Variants in PLEKHG1 observed in about 807,000 individuals in gnomAD.
PLEKHG1 encodes the protein pleckstrin homology domain-containing family G member 1.
Under a neutral mutation model 100.8 loss-of-function variants are expected in PLEKHG1, and 44 were observed. The observed-to-expected ratio is 0.44, with a 90% CI of 0.34 to 0.56. The LOEUF is 0.56. Ranked by LOEUF, PLEKHG1 falls within the 20% of genes least tolerant of loss-of-function variation. PLEKHG1 has a pLI of 0.01. For synonymous variants in PLEKHG1, 640 were observed against 662.5 expected, an observed-to-expected ratio of 0.97 and a Z score of 0.52; for missense variants, 1,545 against 1,720.9, an observed-to-expected ratio of 0.90 and a Z score of 1.81.
chr6:150,808,963 T>C (rs1181416809), intron 7 of PLEKHG1, 142 bp from the exon 9 acceptor site: 4 of 636,864 alleles, frequency 6.3e-6, no homozygotes, highest in African/African-American at 5.5e-5. Flanking sequence ...ATTTATGTCA[T>C]AGACCATCAG....
intron 2 of PLEKHG1, among the ~76,000 whole-genome samples, chr6:150,739,275 T>C (rs1782724197): frequency 6.6e-6 from 1 of 152,178 alleles, no homozygotes; most frequent in Non-Finnish European, 1.5e-5. Flanking sequence ...AGGGGCTGAA[T>C]TGTTAATTAC....
chr6:150,645,439 G>A (rs1293971551), intron 2 of PLEKHG1, among the ~76,000 whole-genome samples: 1 of 152,178 alleles, frequency 6.6e-6, no homozygotes, highest in Admixed American at 6.5e-5. Flanking sequence ...TTAAACCATA[G>A]ACATATGTAA....
rs959860496 is a variant in PLEKHG1, at chr6:150,831,560, A to G, written c.2449A>G (p.Ser817Gly). 2 of 1,614,210 alleles carry G rather than the reference A, an allele frequency of 1.2e-6. No homozygotes were observed. The highest frequency in any genetic ancestry group is 1.7e-6 in the Non-Finnish European group (2 of 1,180,030). ...TCTGAGTTTGCTGTATGACTCTCCC[A>G]GTGGTAACTTGTCTATGCCTCATAA... Residue 817 changes from serine to glycine, a missense_variant, in exon 15 of 16, where the codon AGT (serine) becomes GGT (glycine). Transcript: ENST00000358517. This position sits in a 1 kb window ranked among gnomAD's most constrained non-coding sequence, Gnocchi z 4.1.
chr6:150,626,229 GA>G (rs1224240030), intron 1 of PLEKHG1: 3 of 152,176 alleles, frequency 2.0e-5, no homozygotes, highest in African/African-American at 7.2e-5. Flanking sequence ...GGGTCTGTAA[GA>G]AGGCTCATAT....
intron 2 of PLEKHG1, among the ~76,000 whole-genome samples, chr6:150,745,032 T>A (rs918635381): frequency 6.6e-6 from 1 of 152,124 alleles, no homozygotes; most frequent in Non-Finnish European, 1.5e-5. Context: ...CCTGCAGTAA[T>A]GCAGCCATGT....
intron 14 of PLEKHG1, chr6:150,827,733 A>G: frequency 1.5e-6 from 2 of 1,353,332 alleles, no homozygotes; most frequent in Non-Finnish European, 2.1e-6. Flanking sequence ...CCCGCCAAGG[A>G]AAGAATTGGA....
At chr6:150,643,215 G>T (rs959490938) in intron 2 of PLEKHG1, among the ~76,000 whole-genome samples, 1 of 152,124 alleles carries the variant, frequency 6.6e-6, no homozygotes, top group Non-Finnish European at 1.5e-5. Context: ...AAAATAAACA[G>T]GAAATGGTAA....
chr6:150,762,498 C>T (rs1268788510), intron 2 of PLEKHG1, among the ~76,000 whole-genome samples: 1 of 152,096 alleles, frequency 6.6e-6, no homozygotes, highest in African/African-American at 2.4e-5. Flanking sequence ...TGTGCCCGGC[C>T]CAACCCTCTC....
exon 15 of PLEKHG1, chr6:150,832,193 G>A (rs1285572363): frequency 6.3e-7 from 1 of 1,594,428 alleles, no homozygotes; most frequent in Admixed American, 1.7e-5. Flanking sequence ...GAAGCAAGGA[G>A]GGCCCGCCAT....
At chr6:150,670,329 T>G (rs1445640205) in intron 3 of PLEKHG1, among the ~76,000 whole-genome samples, 1 of 152,242 alleles carries the variant, frequency 6.6e-6, no homozygotes, top group Admixed American at 6.5e-5. Context: ...TGTTCTATTT[T>G]GTTCATATTT....
intron 3 of PLEKHG1, among the ~76,000 whole-genome samples, chr6:150,652,556 A>G (rs1426234826): frequency 6.6e-6 from 1 of 152,008 alleles, no homozygotes; most frequent in Non-Finnish European, 1.5e-5. Flanking sequence ...CCCCGTCGCT[A>G]TTAAAAATAC....
intron 1 of PLEKHG1, among the ~76,000 whole-genome samples, chr6:150,602,402 C>T (rs1327391515): frequency 2.0e-5 from 3 of 152,206 alleles, no homozygotes; most frequent in African/African-American, 7.2e-5. Flanking sequence ...GGTTAAGATC[C>T]AGTGATCTAG....
At chr6:150,679,053 A>C (rs1779850813) in intron 3 of PLEKHG1, among the ~76,000 whole-genome samples, 1 of 152,238 alleles carries the variant, frequency 6.6e-6, no homozygotes, top group Non-Finnish European at 1.5e-5. Flanking sequence ...CTACAAAATC[A>C]AAATTTTAAA....
chr6:150,749,126 C>G (rs374414124), intron 2 of PLEKHG1, among the ~76,000 whole-genome samples: 1 of 152,152 alleles, frequency 6.6e-6, no homozygotes, highest in Non-Finnish European at 1.5e-5. Context: ...TTGGCAGTGC[C>G]GGGATGCATC....
intron 3 of PLEKHG1, among the ~76,000 whole-genome samples, chr6:150,773,497 G>T (rs1302150093): frequency 6.6e-6 from 1 of 152,352 alleles, no homozygotes; most frequent in East Asian, 1.9e-4. Flanking sequence ...TGTTGCCACT[G>T]CACTTCAGCC....
chr6:150,809,471 G>A (rs1787356909), exon 9 of PLEKHG1: 2 of 1,613,062 alleles, frequency 1.2e-6, no homozygotes, highest in African/African-American at 2.7e-5. Flanking sequence ...GCAGCACACA[G>A]TCCAGGTAGC....
At chr6:150,741,238 A>G (rs535717681) in intron 2 of PLEKHG1, among the ~76,000 whole-genome samples, 1 of 152,208 alleles carries the variant, frequency 6.6e-6, no homozygotes, top group African/African-American at 2.4e-5. Flanking sequence ...GTGAGAGCAA[A>G]ATGAGTTGAG....
At chr6:150,820,357 G>GAC (rs566302235) in intron 12 of PLEKHG1, among the ~76,000 whole-genome samples, 1 of 152,140 alleles carries the variant, frequency 6.6e-6, no homozygotes, top group Non-Finnish European at 1.5e-5. Flanking sequence ...TCCTATGAGT[G>GAC]ACACACACAA....
Position 150,840,085 on chromosome 6 carries a change from CA to C in PLEKHG1, c.3352del (p.Ser1118ValfsTer31). On this transcript the variant is annotated frameshift_variant, in exon 16 of 16. Coordinates refer to ENST00000358517, the Ensembl canonical transcript of PLEKHG1. LOFTEE classifies it low-confidence loss of function (END_TRUNC). ...AGATATCCCACGTTTGAGATCAATA[CA>C]AAAAGTACTCCCAGGCAATTGTCCG... The C allele has an allele frequency of 6.2e-7, 1 of 1,614,178 alleles. No individual in the cohort carries two copies. Among genetic ancestry groups the C allele is most frequent in the Non-Finnish European group, 8.5e-7 (1 of 1,180,018 alleles).
Sources: allele counts gnomAD v4.1 joint callset (sites outside exome capture counted in the v4.1 genomes callset), GRCh38; gene constraint gnomAD v4.1.1; non-coding constraint Gnocchi (gnomAD v3.1); transcripts MANE v1.5; gene names NCBI Gene and HGNC (gene_info 2026-07-23, HGNC 2026-07-21).